The following COA1 variants were observed in gnomAD, a reference collection of about 807,000 sequenced individuals.
COA1 encodes cytochrome c oxidase assembly factor 1, also known as cytochrome c oxidase assembly factor 1 homolog.
COA1 carries 13 observed loss-of-function variants against 16.0 expected under a neutral mutation model. The ratio of observed to expected loss-of-function variants is 0.81; its 90% confidence interval spans 0.53 to 1.29. The LOEUF is 1.29. COA1 is among the 50% of genes most tolerant of loss of function. The pLI, the probability that COA1 is intolerant of heterozygous loss-of-function variation, is 0.00. For synonymous variants in COA1, 65 were observed against 65.7 expected, an observed-to-expected ratio of 0.99 and a Z score of 0.05; for missense variants, 179 against 177.0, an observed-to-expected ratio of 1.01 and a Z score of -0.06.
chr7:43,678,888 G>A (rs1037511597), intron 1 of COA1, among the ~76,000 whole-genome samples: 15 of 152,162 alleles, frequency 9.9e-5, no homozygotes, highest in African/African-American at 2.7e-4. Context: ...AGCTGCTGTG[G>A]AAAATATGGC....
intron 1 of COA1, among the ~76,000 whole-genome samples, chr7:43,671,531 T>C (rs1432073654): frequency 1.3e-5 from 2 of 152,054 alleles, no homozygotes; most frequent in African/African-American, 4.8e-5. Context: ...GGTTAAAGTC[T>C]CTACAAGGAG....
At chr7:43,656,933 G>A (rs1037605938) in intron 1 of COA1, among the ~76,000 whole-genome samples, 2 of 152,100 alleles carry the variant, frequency 1.3e-5, no homozygotes, top group South Asian at 2.1e-4. Flanking sequence ...GGTGGCTCAC[G>A]CCTGTAATCC....
At chr7:43,641,875 C>T (rs1401844407) in intron 4 of COA1, 2 of 152,106 alleles carry the variant, frequency 1.3e-5, no homozygotes, top group Non-Finnish European at 2.9e-5. Context: ...ATGAGCCTCG[C>T]GAAGGAGACA....
At chr7:43,663,699 A>AC (rs1337524990) in intron 1 of COA1, among the ~76,000 whole-genome samples, 2,941 of 135,824 alleles carry the variant, frequency 0.022, 135 homozygotes, top group Non-Finnish European at 0.034. Context: ...CACACACACA[A>AC]AAAAAAACCT....
intron 6 of COA1, among the ~76,000 whole-genome samples, chr7:43,627,520 T>C (rs145422806): frequency 4.5e-4 from 68 of 152,182 alleles, no homozygotes; most frequent in African/African-American, 1.6e-3. Context: ...TGAATATAGA[T>C]AGGAGAAAGA....
chr7:43,629,088 G>T (rs1337302512), intron 6 of COA1, among the ~76,000 whole-genome samples: 1 of 152,142 alleles, frequency 6.6e-6, no homozygotes, highest in Non-Finnish European at 1.5e-5. Flanking sequence ...AACGTTCAGT[G>T]GTTCCAGCAC....
At position 43,698,065 on chromosome 7, in the gene COA1, CA is replaced by C. The variant is rs3840576; in HGVS notation, c.-39+31363del. Among the ~76,000 whole-genome samples the C allele has an allele frequency of 3.3e-5, 5 of 152,292 alleles. No individual in the cohort carries two copies. In the East Asian group the frequency reaches 9.6e-4, roughly 29 times the overall value. ...AGAAAGCGCCTATGTTAGCTCAAAT[CA>C]GTAGAAAAATTACCAAGATCACTTA... On this transcript the variant is annotated intron_variant, in intron 1 of 5. Transcript: ENST00000223336.
chr7:43,727,851 G>A (rs1199322729), intron 1 of COA1, among the ~76,000 whole-genome samples: 1 of 152,192 alleles, frequency 6.6e-6, no homozygotes, highest in East Asian at 1.9e-4. Flanking sequence ...ATAACTTATT[G>A]GAGTCTGTCT....
At chr7:43,696,663 A>G (rs2094536875) in intron 1 of COA1, among the ~76,000 whole-genome samples, 1 of 152,034 alleles carries the variant, frequency 6.6e-6, no homozygotes, top group South Asian at 2.1e-4. Flanking sequence ...ACATCCATAT[A>G]TAATAAAATA....
At position 43,646,323 on chromosome 7, in the gene COA1, A is replaced by G. The variant is rs946875634; in HGVS notation, c.116-924T>C. On this transcript the variant is annotated intron_variant, in intron 3 of 5. Coordinates refer to ENST00000223336, the MANE Select transcript of COA1 (RefSeq NM_018224.4). Reference sequence around the variant, plus strand: ...CCAGACAGCTAATCTTTATTGAGTGATTTCTATGGCTAGGCACTGTTCTCA... The same window carrying G: ...CCAGACAGCTAATCTTTATTGAGTGGTTTCTATGGCTAGGCACTGTTCTCA... 10 of 313,570 alleles carry G rather than the reference A, an allele frequency of 3.2e-5. 1 individual carries two copies. The highest frequency in any genetic ancestry group is 1.9e-4 in the African/African-American group (9 of 46,222). 19.4% of individuals were successfully genotyped at this position (313,570 alleles called of 1,614,324 possible).
chr7:43,623,940 T>G (rs753534475), intron 6 of COA1: 15 of 1,259,076 alleles, frequency 1.2e-5, no homozygotes, highest in Non-Finnish European at 4.1e-6. Context: ...TATTAAAAAA[T>G]TCAGTATTAA....
downstream of COA1, among the ~76,000 whole-genome samples, chr7:43,637,179 A>ATATC (rs2086030332): frequency 6.6e-6 from 1 of 152,090 alleles, no homozygotes; most frequent in Admixed American, 6.6e-5. Flanking sequence ...CCCCTAACTG[A>ATATC]TATCTCTCTT....
chr7:43,613,072 G>A (rs2083021505), intron 6 of COA1, among the ~76,000 whole-genome samples: 1 of 152,180 alleles, frequency 6.6e-6, no homozygotes, highest in Non-Finnish European at 1.5e-5. Flanking sequence ...GTCAGAGGGA[G>A]GGAGGACTGA....
At chr7:43,679,014 C>T (rs930622140) in intron 1 of COA1, among the ~76,000 whole-genome samples, 5 of 152,122 alleles carry the variant, frequency 3.3e-5, no homozygotes, top group Non-Finnish European at 5.9e-5. Context: ...CGTGGTGGCT[C>T]ACGCCTGTAA....
At chr7:43,644,744 A>AGATAGATAGATT (rs1479450203) in intron 4 of COA1, among the ~76,000 whole-genome samples, 34 of 90,414 alleles carry the variant, frequency 3.8e-4, no homozygotes, top group Middle Eastern at 6.0e-3. Flanking sequence ...ATAGATAGAT[A>AGATAGATAGATT]GATAGATAGA....
chr7:43,686,678 CAT>C (rs2094049792), intron 1 of COA1, among the ~76,000 whole-genome samples: 1 of 152,198 alleles, frequency 6.6e-6, no homozygotes, highest in African/African-American at 2.4e-5. Flanking sequence ...ACCAGGCTGC[CAT>C]ATGTCACTTT....
At chr7:43,675,594 G>A (rs1220264326) in intron 1 of COA1, among the ~76,000 whole-genome samples, 1 of 151,974 alleles carries the variant, frequency 6.6e-6, no homozygotes, top group Non-Finnish European at 1.5e-5. Context: ...AAAACTTAAA[G>A]TATAATAATA....
chr7:43,674,357 A>C (rs1203805828), intron 1 of COA1, among the ~76,000 whole-genome samples: 1 of 152,208 alleles, frequency 6.6e-6, no homozygotes, highest in Non-Finnish European at 1.5e-5. Context: ...CATGTGTTAT[A>C]TTGTCCTGTT....
chr7:43,714,225 T>C (rs1348499968), intron 1 of COA1, among the ~76,000 whole-genome samples: 4 of 152,008 alleles, frequency 2.6e-5, no homozygotes, highest in Non-Finnish European at 5.9e-5. Flanking sequence ...GTGAATCATC[T>C]TTTTGTAATA....
Sources: allele counts gnomAD v4.1 joint callset (sites outside exome capture counted in the v4.1 genomes callset), GRCh38; gene constraint gnomAD v4.1.1; transcripts MANE v1.5; gene names NCBI Gene and HGNC (gene_info 2026-07-23, HGNC 2026-07-21).